Variants in SNTG1 observed in about 807,000 individuals in gnomAD.
SNTG1 encodes syntrophin gamma 1.
In SNTG1, 39 loss-of-function variants were observed where a neutral mutation model predicts 74.7. That is an observed-to-expected ratio of 0.52 (90% CI 0.40 to 0.68). SNTG1 has a LOEUF of 0.68. SNTG1 is among the 30% of genes least tolerant of loss of function. SNTG1 has a pLI of 0.00. For missense variants in SNTG1, 685 were observed against 609.5 expected (o/e 1.12, Z -1.30); for synonymous variants, 254 against 217.1 (o/e 1.17, Z -1.49).
At chr8:50,533,624 ATAAG>A (rs1309283656) in intron 10 of SNTG1, among the ~76,000 whole-genome samples, 3 of 152,234 alleles carry the variant, frequency 2.0e-5, no homozygotes, top group African/African-American at 7.2e-5. Flanking sequence ...CATAAATAAA[ATAAG>A]TAAGGAGAAA....
At chr8:50,633,087 A>C (rs2095013693) in intron 13 of SNTG1, among the ~76,000 whole-genome samples, 1 of 152,240 alleles carries the variant, frequency 6.6e-6, no homozygotes, top group African/African-American at 2.4e-5. Flanking sequence ...ATTCATGGGC[A>C]TTAGTAATAA....
At chr8:50,135,167 A>C (rs1427984303) in intron 1 of SNTG1, among the ~76,000 whole-genome samples, 1 of 152,172 alleles carries the variant, frequency 6.6e-6, no homozygotes, top group Non-Finnish European at 1.5e-5. Flanking sequence ...AAAAGGCATG[A>C]AAAGTCAATT....
At chr8:50,442,680 TAAAAAAAAAAAA>T (rs5891365) in intron 5 of SNTG1, among the ~76,000 whole-genome samples, 1 of 81,196 alleles carries the variant, frequency 1.2e-5, no homozygotes, top group African/African-American at 5.1e-5. Context: ...TGTCTATCAG[TAAAAAAAAAAAA>T]AAAAAAAAAA....
intron 15 of SNTG1, among the ~76,000 whole-genome samples, chr8:50,696,086 A>G (rs2095404023): frequency 6.6e-6 from 1 of 152,036 alleles, no homozygotes; most frequent in Non-Finnish European, 1.5e-5. Flanking sequence ...TTCCACCAAC[A>G]GTGTATAAGC....
intron 2 of SNTG1, among the ~76,000 whole-genome samples, chr8:50,243,702 G>C (rs2086266240): frequency 6.6e-6 from 1 of 151,026 alleles, no homozygotes; most frequent in African/African-American, 2.4e-5. Flanking sequence ...TTTTTTTACT[G>C]TTCCATGGAC....
intron 2 of SNTG1, among the ~76,000 whole-genome samples, chr8:50,238,611 G>A (rs567639601): frequency 5.9e-5 from 9 of 152,130 alleles, no homozygotes; most frequent in Admixed American, 1.3e-4. Flanking sequence ...GACTCAAAAA[G>A]CAACCGCAAC....
chr8:50,388,594 T>C (rs1175216635), intron 2 of SNTG1, among the ~76,000 whole-genome samples: 1 of 152,166 alleles, frequency 6.6e-6, no homozygotes, highest in Non-Finnish European at 1.5e-5. Context: ...TGTATATGAC[T>C]AACATGAATG....
At chr8:50,779,236 G>T (rs927018939) in intron 18 of SNTG1, among the ~76,000 whole-genome samples, 21 of 152,128 alleles carry the variant, frequency 1.4e-4, no homozygotes, top group Non-Finnish European at 2.6e-4. Flanking sequence ...CCAATTCTGT[G>T]AAGAAAGTCA....
At chr8:50,734,847 GGACATATAT>G (rs2095522971) in intron 17 of SNTG1, among the ~76,000 whole-genome samples, 16 of 72,096 alleles carry the variant, frequency 2.2e-4, no homozygotes, top group Non-Finnish European at 2.7e-4. Context: ...CTATATATAT[GGACATATAT>G]ATATCTATAT....
At chr8:50,309,926 A>G (rs986203519) in intron 2 of SNTG1, among the ~76,000 whole-genome samples, 2 of 152,248 alleles carry the variant, frequency 1.3e-5, no homozygotes, top group Non-Finnish European at 2.9e-5. Context: ...TAACTGGAAA[A>G]CATTGTGTTT....
At chr8:50,546,129 AAG>A (rs2130526565) in intron 11 of SNTG1, among the ~76,000 whole-genome samples, 1 of 152,294 alleles carries the variant, frequency 6.6e-6, no homozygotes, top group South Asian at 2.1e-4. Context: ...AAGGAGAAGA[AAG>A]AGTAGATTGT....
At chr8:50,503,162 G>A (rs1005283504) in intron 9 of SNTG1, among the ~76,000 whole-genome samples, 4 of 152,050 alleles carry the variant, frequency 2.6e-5, no homozygotes, top group African/African-American at 9.7e-5. Flanking sequence ...CATTATGCAT[G>A]TCTATTAAAT....
intron 13 of SNTG1, among the ~76,000 whole-genome samples, chr8:50,626,401 G>A (rs1563664119): frequency 6.6e-6 from 1 of 152,054 alleles, no homozygotes; most frequent in Non-Finnish European, 1.5e-5. Context: ...CCCTAACCCA[G>A]TAGCACTAGA....
intron 2 of SNTG1, among the ~76,000 whole-genome samples, chr8:50,194,375 A>AATTCTTCTT (rs1209743667): frequency 1.3e-5 from 2 of 152,046 alleles, no homozygotes; most frequent in Admixed American, 1.3e-4. Flanking sequence ...CAGGGTATCT[A>AATTCTTCTT]ATTCTTCTTG....
intron 8 of SNTG1, among the ~76,000 whole-genome samples, chr8:50,479,766 G>T (rs2093725406): frequency 6.6e-6 from 1 of 151,868 alleles, no homozygotes; most frequent in South Asian, 2.1e-4. Flanking sequence ...GTTTCATGTT[G>T]CCTCACACTC....
chr8:50,465,845 T>C (rs6996457), intron 8 of SNTG1, among the ~76,000 whole-genome samples: 7,646 of 152,270 alleles, frequency 0.05, 225 homozygotes, highest in Middle Eastern at 0.12. Context: ...CATTCACCTG[T>C]TGAAGGGCAT....
chr8:50,488,614 A>G (rs1298891565), intron 8 of SNTG1, among the ~76,000 whole-genome samples: 3 of 152,032 alleles, frequency 2.0e-5, no homozygotes, highest in Non-Finnish European at 4.4e-5. Flanking sequence ...ATGCTCACCT[A>G]ATGTCTATCC....
chr8:49,958,375 G>A (rs531894295), intron 1 of SNTG1, among the ~76,000 whole-genome samples: 1 of 152,124 alleles, frequency 6.6e-6, no homozygotes, highest in African/African-American at 2.4e-5. Context: ...AGGGGGCAGT[G>A]TCCTACAATT....
intron 5 of SNTG1, among the ~76,000 whole-genome samples, chr8:50,443,516 T>C (rs1256562004): frequency 6.6e-6 from 1 of 152,196 alleles, no homozygotes; most frequent in African/African-American, 2.4e-5. Context: ...TAATTGCTAA[T>C]ATTTATGCCC....
Sources: gnomAD v4.1 joint callset for allele counts (sites outside exome capture counted in the v4.1 genomes callset) on GRCh38, gnomAD v4.1.1 for gene constraint, MANE v1.5 for transcripts, NCBI Gene and HGNC (gene_info 2026-07-23, HGNC 2026-07-21) for gene names.